The following HECW1 variants were observed in gnomAD, a reference collection of about 807,000 sequenced individuals.
HECW1 encodes the protein E3 ubiquitin-protein ligase HECW1.
Under a neutral mutation model 182.3 loss-of-function variants are expected in HECW1, and 61 were observed. The ratio of observed to expected loss-of-function variants is 0.33; its 90% CI spans 0.27 to 0.41. HECW1 has a LOEUF of 0.41. HECW1 is among the 10% of genes least tolerant of loss of function. The probability of loss-of-function intolerance (pLI) is 1.00; values close to 1 mark genes in which losing one functional copy is unlikely to be tolerated. For missense variants in HECW1, 1,739 were observed against 2,108.9 expected, an observed-to-expected ratio of 0.82 and a Z score of 3.44; for synonymous variants, 859 against 832.6, an observed-to-expected ratio of 1.03 and a Z score of -0.55.
intron 5 of HECW1, among the ~76,000 whole-genome samples, chr7:43,352,126 C>A (rs1209775586): frequency 6.6e-6 from 1 of 152,184 alleles, no homozygotes; most frequent in Non-Finnish European, 1.5e-5. Context: ...CTGGGCTTAT[C>A]TCTGAGTTTT....
At chr7:43,133,282 T>G (rs982632269) in intron 2 of HECW1, among the ~76,000 whole-genome samples, 1 of 151,818 alleles carries the variant, frequency 6.6e-6, no homozygotes, top group Non-Finnish European at 1.5e-5. Flanking sequence ...AAGATTAGTT[T>G]GCATTTTTAT....
rs527616847 is a variant in HECW1, at chr7:43,301,056, C to T, written c.28-10707C>T. Among the ~76,000 whole-genome samples the T allele has an allele frequency of 2.0e-5, 3 of 152,284 alleles. No homozygotes were observed. The East Asian group carries it at 5.8e-4, about 29-fold the overall frequency. Reference sequence around the variant, plus strand: ...ACACAGCAGCTCTGTCCACCTTGCTCTCCCCCTCATTGCTGCAGTGTGAAG... The same window carrying T: ...ACACAGCAGCTCTGTCCACCTTGCTTTCCCCCTCATTGCTGCAGTGTGAAG... On this transcript the variant is annotated intron_variant, in intron 3 of 29. Transcript: ENST00000395891.
chr7:43,479,592 T>C lies in HECW1; in HGVS notation c.3100-18T>C, dbSNP rs1310607562. 10 of 1,614,052 alleles carry C rather than the reference T, an allele frequency of 6.2e-6. No individual in the cohort carries two copies. Among genetic ancestry groups the C allele is most frequent in the East Asian group, 2.2e-5 (1 of 44,882 alleles). On this transcript the variant is annotated intron_variant, in intron 16 of 29. Transcript: ENST00000395891. ...TTCTCACACCACACGGTGCTTTTTT[T>C]CACTGGTCTGTTCGCAGTCTTTTTT...
In HECW1 at chr7:43,190,140, G is replaced by A. The variant is rs1176754637; in HGVS notation, c.-31-53735G>A. 2.0e-5 allele frequency among the ~76,000 whole-genome samples: 3 copies of A among 152,154 alleles called. No homozygotes were observed. The East Asian group carries it at 5.8e-4, about 29-fold the overall frequency. ...TTGTTTGTTTGTTTTTTGAGACGGA[G>A]TCATGCTCTGTCGCCCAGGCTGGAG... On this transcript the variant is annotated intron_variant, in intron 2 of 29. Transcript: ENST00000395891.
chr7:43,507,962 C>G (rs2079658105), intron 22 of HECW1, 56 bp from the exon 23 acceptor site: 1 of 1,253,118 alleles, frequency 8.0e-7, no homozygotes, highest in Non-Finnish European at 1.2e-6. Context: ...TCACTTAGAA[C>G]CCTGTCCAGC....
At chr7:43,129,045 C>T (rs1455176458) in intron 2 of HECW1, among the ~76,000 whole-genome samples, 1 of 152,134 alleles carries the variant, frequency 6.6e-6, no homozygotes, top group Non-Finnish European at 1.5e-5. Context: ...AAATCTATTC[C>T]TGGTGAAGAT....
chr7:43,215,661 T>A (rs1796378908), intron 2 of HECW1, among the ~76,000 whole-genome samples: 1 of 152,248 alleles, frequency 6.6e-6, no homozygotes, highest in Non-Finnish European at 1.5e-5. Context: ...AGGTTTTCTT[T>A]GAGGCCCTTG....
At chr7:43,147,470 A>T (rs1318643451) in intron 2 of HECW1, 1 of 152,212 alleles carries the variant, frequency 6.6e-6, no homozygotes, top group Non-Finnish European at 1.5e-5. Context: ...GAAACCATAG[A>T]TAAACGTGTA....
intron 2 of HECW1, among the ~76,000 whole-genome samples, chr7:43,180,221 G>A (rs1186811852): frequency 6.6e-6 from 1 of 152,240 alleles, no homozygotes; most frequent in Non-Finnish European, 1.5e-5. Context: ...TGTTTGCCCA[G>A]GATTACTTTC....
rs1365470723 is a variant in HECW1 at position 43,508,105 on chromosome 7, C to G, written c.3840C>G (p.Leu1280=). 3.1e-6 allele frequency: 5 copies of G among 1,613,730 alleles called. No homozygotes were observed. Among genetic ancestry groups the G allele is most frequent in the Admixed American group, 3.3e-5 (2 of 59,996 alleles). Residue 1280 remains leucine, a synonymous_variant, in exon 23 of 30, where the codon CTC becomes CTG. Coordinates refer to ENST00000395891, the MANE Select transcript of HECW1 (RefSeq NM_015052.5). ...GGAAAGAGCTCCAGCGAAACAAGCTCTACGTCACCTTTGTTGGAGAGGAGG... is the reference window on the plus strand; with the variant it reads ...GGAAAGAGCTCCAGCGAAACAAGCTGTACGTCACCTTTGTTGGAGAGGAGG... The part of the protein sequence containing the change: ...YSRKELQRNK[L]YVTFVGEEGL...
At chr7:43,290,798 A>G (rs771979490) in intron 3 of HECW1, among the ~76,000 whole-genome samples, 1 of 152,210 alleles carries the variant, frequency 6.6e-6, no homozygotes, top group Non-Finnish European at 1.5e-5. Flanking sequence ...GGTGGGGCCC[A>G]GGGAGGCAGT....
chr7:43,268,986 T>C (rs1356439980), intron 3 of HECW1, among the ~76,000 whole-genome samples: 1 of 152,160 alleles, frequency 6.6e-6, no homozygotes, highest in Non-Finnish European at 1.5e-5. Flanking sequence ...CTTGGTATGT[T>C]GCCTAGGCTT....
At chr7:43,224,558 C>T (rs1202463161) in intron 2 of HECW1, among the ~76,000 whole-genome samples, 4 of 152,232 alleles carry the variant, frequency 2.6e-5, no homozygotes, top group Non-Finnish European at 5.9e-5. Context: ...CAGTGGCTCA[C>T]GCCTGTAATC....
intron 2 of HECW1, among the ~76,000 whole-genome samples, chr7:43,197,523 AGAGC>A (rs1794581722): frequency 6.6e-6 from 1 of 152,214 alleles, no homozygotes; most frequent in Non-Finnish European, 1.5e-5. Flanking sequence ...CTCTTGGCAC[AGAGC>A]GATCACTGCC....
intron 2 of HECW1, among the ~76,000 whole-genome samples, chr7:43,218,711 G>A (rs748481731): frequency 6.6e-6 from 1 of 152,228 alleles, no homozygotes; most frequent in Non-Finnish European, 1.5e-5. Context: ...AAAAGAGCAT[G>A]TCATGGTTTA....
intron 18 of HECW1, 135 bp from the exon 19 acceptor site, chr7:43,492,948 CA>C (rs1282214103): frequency 7.2e-6 from 4 of 554,464 alleles, no homozygotes; most frequent in Non-Finnish European, 1.3e-5. Flanking sequence ...CAAGAGCTTG[CA>C]TTTTTTTGAT....
intron 17 of HECW1, among the ~76,000 whole-genome samples, chr7:43,482,363 T>A (rs2152909609): frequency 6.6e-6 from 1 of 152,320 alleles, no homozygotes; most frequent in Non-Finnish European, 1.5e-5. Flanking sequence ...AAATGTTGAC[T>A]GCATTTGCTG....
rs560281731 is a variant in HECW1 at position 43,398,430 on chromosome 7, T to C, written c.631+1541T>C. ...ACTCTGTTGAGCACAGTTGGAAAACTACTACCTTAGCTTGTCAAATCAACA... is the reference window on the plus strand; with the variant it reads ...ACTCTGTTGAGCACAGTTGGAAAACCACTACCTTAGCTTGTCAAATCAACA... On this transcript the variant is annotated intron_variant, in intron 7 of 29. Transcript: ENST00000395891. 2.6e-5 allele frequency among the ~76,000 whole-genome samples: 4 copies of C among 152,270 alleles called. No homozygotes were observed. In the South Asian group the frequency reaches 8.3e-4, roughly 32 times the overall value.
intron 2 of HECW1, among the ~76,000 whole-genome samples, chr7:43,180,991 A>C (rs552352621): frequency 2.6e-5 from 4 of 151,944 alleles, no homozygotes; most frequent in Non-Finnish European, 5.9e-5. Context: ...ACCTCTCCTC[A>C]TTCCTCTCTC....
Sources: gnomAD v4.1 joint callset for allele counts (sites outside exome capture counted in the v4.1 genomes callset) on GRCh38, gnomAD v4.1.1 for gene constraint, MANE v1.5 for transcripts, NCBI Gene and HGNC (gene_info 2026-07-23, HGNC 2026-07-21) for gene names.